Variants in GRM8 observed in about 807,000 individuals in gnomAD.
GRM8 encodes the protein metabotropic glutamate receptor 8.
GRM8 carries 47 observed loss-of-function variants against 87.2 expected under a neutral mutation model. The ratio of observed to expected loss-of-function variants is 0.54; its 90% CI spans 0.43 to 0.69. GRM8 has a LOEUF of 0.69. Ranked by LOEUF, GRM8 falls within the 30% of genes least tolerant of loss-of-function variation. The pLI is 0.00. For synonymous variants in GRM8, 396 were observed against 404.5 expected, an observed-to-expected ratio of 0.98 and a Z score of 0.25; for missense variants, 1,019 against 1,139.2, an observed-to-expected ratio of 0.89 and a Z score of 1.52.
At chr7:126,949,482 A>G (rs533137728) in intron 3 of GRM8, among the ~76,000 whole-genome samples, 13 of 152,322 alleles carry the variant, frequency 8.5e-5, no homozygotes, top group Admixed American at 6.5e-4. Flanking sequence ...AAAAGGTGCA[A>G]TGAGTACCAG....
intron 6 of GRM8, among the ~76,000 whole-genome samples, chr7:126,828,745 T>A (rs933842738): frequency 4.6e-5 from 7 of 152,210 alleles, no homozygotes; most frequent in Non-Finnish European, 7.3e-5. Flanking sequence ...TTCTGCTAGC[T>A]TTTGAATGTG....
At chr7:127,014,314 A>G (rs1815186730) in intron 3 of GRM8, among the ~76,000 whole-genome samples, 1 of 152,154 alleles carries the variant, frequency 6.6e-6, no homozygotes, top group Admixed American at 6.5e-5. Flanking sequence ...TAACTTATCT[A>G]GTACTCAAAA....
chr7:127,186,061 C>A (rs1794720283), intron 2 of GRM8, among the ~76,000 whole-genome samples: 1 of 151,950 alleles, frequency 6.6e-6, no homozygotes, highest in Admixed American at 6.6e-5. Flanking sequence ...CAGTATAAAA[C>A]AAAAAGAGCT....
intron 8 of GRM8, among the ~76,000 whole-genome samples, chr7:126,604,943 T>C (rs1250483260): frequency 2.0e-5 from 3 of 152,210 alleles, no homozygotes; most frequent in African/African-American, 7.2e-5. Flanking sequence ...GTGAAGTCAC[T>C]ATTCTTTGTT....
chr7:126,632,787 A>G (rs1400315992), intron 7 of GRM8, among the ~76,000 whole-genome samples: 2 of 152,150 alleles, frequency 1.3e-5, no homozygotes, highest in African/African-American at 4.8e-5. Flanking sequence ...CAGGAACAGA[A>G]TATCAAATAC....
intron 2 of GRM8, among the ~76,000 whole-genome samples, chr7:127,156,064 G>A (rs1329266012): frequency 1.3e-5 from 2 of 152,110 alleles, no homozygotes; most frequent in Non-Finnish European, 2.9e-5. Context: ...GTATAAATCT[G>A]GAAACCTAAG....
intron 7 of GRM8, among the ~76,000 whole-genome samples, chr7:126,629,837 A>G (rs1801077475): frequency 6.6e-6 from 1 of 152,176 alleles, no homozygotes; most frequent in Admixed American, 6.5e-5. Flanking sequence ...TAATTAAAAG[A>G]CATAGTGAAA....
intron 2 of GRM8, among the ~76,000 whole-genome samples, chr7:127,188,873 G>T (rs556371377): frequency 3.9e-4 from 60 of 152,234 alleles, no homozygotes; most frequent in African/African-American, 1.2e-3. Context: ...CCTCCAATCA[G>T]TTCTCCACAC....
At chr7:126,841,037 G>C (rs1310365084) in intron 6 of GRM8, among the ~76,000 whole-genome samples, 1 of 152,238 alleles carries the variant, frequency 6.6e-6, no homozygotes, top group African/African-American at 2.4e-5. Context: ...CAGTATGCCA[G>C]CTTTAAAATT....
At chr7:126,662,287 T>G (rs1805262788) in intron 7 of GRM8, among the ~76,000 whole-genome samples, 1 of 151,654 alleles carries the variant, frequency 6.6e-6, no homozygotes, top group South Asian at 2.1e-4. Context: ...AGATTGGGAG[T>G]GTGAAAATGA....
At position 126,627,613 on chromosome 7, in the gene GRM8, T is replaced by C. The variant is rs544196121; in HGVS notation, c.1358-18115A>G. ...AAGAAGTGGCAATAGTGAACACCTT[T>C]GCATTTTTTTTAACTTTAAAAGAAT... is the stretch of plus-strand genomic sequence containing the variant. On this transcript the variant is annotated intron_variant, in intron 7 of 10. Transcript: ENST00000339582. 2.6e-5 allele frequency among the ~76,000 whole-genome samples: 4 copies of C among 152,330 alleles called. No homozygotes were observed. In the South Asian group the frequency reaches 6.2e-4, roughly 24 times the overall value.
At chr7:127,091,229 T>C (rs530492543) in intron 3 of GRM8, among the ~76,000 whole-genome samples, 32 of 152,136 alleles carry the variant, frequency 2.1e-4, no homozygotes, top group African/African-American at 7.5e-4. Flanking sequence ...CCTTATTAGC[T>C]TGCACTGAGA....
chr7:127,149,042 G>C (rs1369076334), intron 2 of GRM8, among the ~76,000 whole-genome samples: 1 of 151,764 alleles, frequency 6.6e-6, no homozygotes, highest in East Asian at 1.9e-4. Context: ...GATATCACAT[G>C]AAAAGGTCAG....
intron 7 of GRM8, among the ~76,000 whole-genome samples, chr7:126,761,034 T>A (rs1399106332): frequency 2.6e-5 from 4 of 151,886 alleles, no homozygotes; most frequent in East Asian, 3.9e-4. Flanking sequence ...CCGTCTCTAC[T>A]AAAATACAAA....
At chr7:126,978,476 A>C (rs1488151677) in intron 3 of GRM8, among the ~76,000 whole-genome samples, 2 of 152,210 alleles carry the variant, frequency 1.3e-5, no homozygotes, top group African/African-American at 2.4e-5. Context: ...ACTGGGAAAA[A>C]GAATTAGAGG....
At chr7:127,202,871 T>G (rs917782517) in intron 2 of GRM8, among the ~76,000 whole-genome samples, 5 of 152,206 alleles carry the variant, frequency 3.3e-5, no homozygotes, top group Non-Finnish European at 5.9e-5. Context: ...GACCTAAGGG[T>G]GATTCACAGA....
rs187129276 is a variant in GRM8, at chr7:126,614,400, G to T, written c.1358-4902C>A. Reference sequence around the variant, plus strand: ...TACATCACCATCATCAAAGACCAAAGGCAGATAAAAACCACAAAGATGGGG... The same window carrying T: ...TACATCACCATCATCAAAGACCAAATGCAGATAAAAACCACAAAGATGGGG... On this transcript the variant is annotated intron_variant, in intron 7 of 10. Coordinates refer to ENST00000339582, the MANE Select transcript of GRM8 (RefSeq NM_000845.3). 1.4e-4 allele frequency among the ~76,000 whole-genome samples: 21 copies of T among 152,110 alleles called. No individual in the cohort carries two copies. The East Asian group carries it at 4.1e-3, about 29-fold the overall frequency.
chr7:126,873,540 T>C (rs530987322), intron 6 of GRM8, among the ~76,000 whole-genome samples: 4 of 152,228 alleles, frequency 2.6e-5, no homozygotes, highest in East Asian at 3.9e-4. Context: ...TAAAGTTACC[T>C]GAACCCAGGA....
chr7:126,864,878 A>G (rs867598643), intron 6 of GRM8, among the ~76,000 whole-genome samples: 2 of 152,008 alleles, frequency 1.3e-5, no homozygotes, highest in African/African-American at 4.8e-5. Context: ...TAGCAGTTAC[A>G]GGCCAAGTTT....
Sources: gnomAD v4.1 joint callset for allele counts (sites outside exome capture counted in the v4.1 genomes callset) on GRCh38, gnomAD v4.1.1 for gene constraint, MANE v1.5 for transcripts, NCBI Gene and HGNC (gene_info 2026-07-23, HGNC 2026-07-21) for gene names.